Variants in MYO3B observed in about 807,000 individuals in gnomAD.
The protein encoded by MYO3B is myosin IIIB.
Under a neutral mutation model 174.6 loss-of-function variants are expected in MYO3B, and 156 were observed. That is an observed-to-expected ratio of 0.89 (90% CI 0.78 to 1.02). The LOEUF (loss-of-function observed/expected upper bound fraction) is 1.02, where lower values mean the gene tolerates loss of function less well. Among genes scored for constraint, MYO3B ranks in the 50% least tolerant of loss-of-function variants. The pLI, the probability that MYO3B is intolerant of heterozygous loss-of-function variation, is 0.00. For synonymous variants in MYO3B, 563 were observed against 569.1 expected (o/e 0.99, Z 0.15); for missense variants, 1,632 against 1,639.4 (o/e 1.00, Z 0.08).
chr2:170,314,370 AGT>A (rs961734357), intron 7 of MYO3B, among the ~76,000 whole-genome samples: 2 of 152,192 alleles, frequency 1.3e-5, no homozygotes, highest in African/African-American at 4.8e-5. Context: ...ATCTCAATGA[AGT>A]GTGTGTGATT....
intron 7 of MYO3B, among the ~76,000 whole-genome samples, chr2:170,260,112 A>G (rs1484381477): frequency 6.6e-6 from 1 of 152,152 alleles, no homozygotes; most frequent in African/African-American, 2.4e-5. Flanking sequence ...CTCATACACT[A>G]TTGATGGGAA....
At chr2:170,523,140 C>G (rs956003068) in intron 30 of MYO3B, among the ~76,000 whole-genome samples, 1 of 152,196 alleles carries the variant, frequency 6.6e-6, no homozygotes, top group Non-Finnish European at 1.5e-5. Flanking sequence ...TGACCTTGTG[C>G]TAGCAAGTTA....
chr2:170,401,795 TC>T (rs2094478098), intron 18 of MYO3B, 104 bp downstream of exon 18: 3 of 1,018,664 alleles, frequency 2.9e-6, no homozygotes, highest in Admixed American at 2.9e-5. Context: ...GGATTTTCTT[TC>T]TTTTTCTTTT....
chr2:170,268,861 A>C (rs1202834455), intron 7 of MYO3B, among the ~76,000 whole-genome samples: 1 of 152,234 alleles, frequency 6.6e-6, no homozygotes, highest in Non-Finnish European at 1.5e-5. Context: ...AGCATTCCAC[A>C]GAAGAAAAAT....
intron 30 of MYO3B, among the ~76,000 whole-genome samples, chr2:170,539,705 G>A (rs915296432): frequency 1.3e-5 from 2 of 151,536 alleles, no homozygotes; most frequent in African/African-American, 4.9e-5. Context: ...GTGTAGCCTC[G>A]ACCTCCAGGG....
At position 170,481,087 on chromosome 2, in the gene MYO3B, A is replaced by C. The variant is rs889891278; in HGVS notation, c.3014+14376A>C. On this transcript the variant is annotated intron_variant, in intron 25 of 34. Coordinates refer to ENST00000408978, the MANE Select transcript of MYO3B (RefSeq NM_138995.5). ...GACATCTCGAGAAAGGCTGAATGTC[A>C]AACTTCAATTTTCAATGAGTAAAAG... 3.3e-5 allele frequency among the ~76,000 whole-genome samples: 5 copies of C among 152,240 alleles called. No individual in the cohort carries two copies. In the East Asian group the frequency reaches 9.6e-4, roughly 29 times the overall value.
At chr2:170,188,452 G>T (rs2092497572) in intron 1 of MYO3B, among the ~76,000 whole-genome samples, 1 of 152,000 alleles carries the variant, frequency 6.6e-6, no homozygotes, top group Non-Finnish European at 1.5e-5. Context: ...GGAGAGTTTA[G>T]TTCATTTATA....
At chr2:170,315,389 C>T (rs1308861890) in intron 7 of MYO3B, among the ~76,000 whole-genome samples, 1 of 151,514 alleles carries the variant, frequency 6.6e-6, no homozygotes, top group Admixed American at 6.6e-5. Flanking sequence ...TCACTTGAAC[C>T]TCCGCCTCCA....
chr2:170,205,295 C>G (rs2092702537), intron 3 of MYO3B, among the ~76,000 whole-genome samples: 1 of 152,044 alleles, frequency 6.6e-6, no homozygotes, highest in African/African-American at 2.4e-5. Context: ...GCCTTTGTTG[C>G]AAAAATGGCC....
chr2:170,262,505 T>G (rs889819484), intron 7 of MYO3B, among the ~76,000 whole-genome samples: 1 of 151,970 alleles, frequency 6.6e-6, no homozygotes, highest in African/African-American at 2.4e-5. Context: ...CAAGGTGAAA[T>G]GTGAGGAGCC....
At chr2:170,646,248 G>A (rs113874938) in intron 32 of MYO3B, among the ~76,000 whole-genome samples, 2,015 of 150,234 alleles carry the variant, frequency 0.013, 57 homozygotes, top group African/African-American at 0.045. Context: ...TCCAGCCTGG[G>A]CAAGAAGAGC....
chr2:170,347,383 C>T (rs1574826870), intron 8 of MYO3B, among the ~76,000 whole-genome samples: 2 of 152,258 alleles, frequency 1.3e-5, no homozygotes, highest in African/African-American at 2.4e-5. Flanking sequence ...AGACAGATCA[C>T]TTGAGGTCAG....
At chr2:170,574,940 C>T (rs1267929922) in intron 32 of MYO3B, among the ~76,000 whole-genome samples, 1 of 152,054 alleles carries the variant, frequency 6.6e-6, no homozygotes, top group African/African-American at 2.4e-5. Context: ...TTTCACTTAC[C>T]CTCCCCACTC....
At chr2:170,222,471 G>C (rs928290422) in intron 6 of MYO3B, among the ~76,000 whole-genome samples, 1 of 152,150 alleles carries the variant, frequency 6.6e-6, no homozygotes, top group African/African-American at 2.4e-5. Flanking sequence ...GCCTCTAGGG[G>C]AGGGATCTTG....
intron 3 of MYO3B, 123 bp downstream of exon 3, chr2:170,200,407 A>G: frequency 2.9e-6 from 3 of 1,042,308 alleles, no homozygotes; most frequent in Admixed American, 3.2e-5. Context: ...TGCATGTCAC[A>G]GGTACCTCAC....
chr2:170,189,945 C>G (rs1202268713), intron 1 of MYO3B, among the ~76,000 whole-genome samples: 1 of 152,168 alleles, frequency 6.6e-6, no homozygotes, highest in Non-Finnish European at 1.5e-5. Context: ...GTGTTCTTCA[C>G]AGTCTGGGCT....
Position 170,399,242 on chromosome 2 carries a change from C to CAAAAAAAAAAAA in MYO3B, c.1792-933_1792-922dup, listed in dbSNP as rs71399532. On this transcript the variant is annotated intron_variant, in intron 16 of 34. Transcript: ENST00000408978. ...GGGCAACAAGAGCGAAATTCCGTCT[C>CAAAAAAAAAAAA]AAAAAAAAAAAAAAAAAAAAAAAAG... Among the ~76,000 whole-genome samples, 28 of 15,610 alleles carry CAAAAAAAAAAAA rather than the reference C, an allele frequency of 1.8e-3. 1 individual carries two copies. The highest frequency in any genetic ancestry group is 3.1e-3 in the Non-Finnish European group (23 of 7,462). 10.2% of individuals were successfully genotyped at this position (15,610 alleles called of 152,430 possible). A position where few individuals can be genotyped will look rare whatever the true frequency, so the allele number is the denominator to read the frequency against.
chr2:170,468,819 C>T (rs1244964887), intron 25 of MYO3B, among the ~76,000 whole-genome samples: 1 of 152,164 alleles, frequency 6.6e-6, no homozygotes, highest in Non-Finnish European at 1.5e-5. Flanking sequence ...AGAGGGCAAA[C>T]ACATAACTGC....
chr2:170,462,012 G>A (rs1015666194), intron 23 of MYO3B, among the ~76,000 whole-genome samples: 1 of 152,200 alleles, frequency 6.6e-6, no homozygotes, highest in African/African-American at 2.4e-5. Flanking sequence ...GTGAGAAAGG[G>A]AAAGAAACCT....
Sources: allele counts gnomAD v4.1 joint callset (sites outside exome capture counted in the v4.1 genomes callset), GRCh38; gene constraint gnomAD v4.1.1; transcripts MANE v1.5; gene names NCBI Gene and HGNC (gene_info 2026-07-23, HGNC 2026-07-21).